The following RRAGB variants were observed in gnomAD, a reference collection of about 807,000 sequenced individuals.
RRAGB encodes Ras related GTP binding B.
Under a neutral mutation model 29.3 loss-of-function variants are expected in RRAGB, and 6 were observed. The ratio of observed to expected loss-of-function variants is 0.21; its 90% CI spans 0.11 to 0.40. The LOEUF (loss-of-function observed/expected upper bound fraction) is 0.40. Ranked by LOEUF, RRAGB falls within the 10% of genes least tolerant of loss-of-function variation. RRAGB has a pLI of 1.00. For missense variants in RRAGB, 184 were observed against 272.9 expected (o/e 0.67, Z 2.29); for synonymous variants, 101 against 92.5 (o/e 1.09, Z -0.53).
chrX:55,719,232 C>A, intron 1 of RRAGB, 82 bp from the exon 2 acceptor site: 1 of 856,649 alleles, frequency 1.2e-6, no homozygotes, highest in Non-Finnish European at 1.7e-6. Context: ...TCTTTTGTAC[C>A]TCCATGTTTA....
At chrX:55,742,054 AT>A (rs1403607548) in intron 5 of RRAGB, among the ~76,000 whole-genome samples, 1 of 112,553 alleles carries the variant, frequency 8.9e-6, no homozygotes, top group East Asian at 2.8e-4. Context: ...ATGTAAAGTT[AT>A]TGACTGTTTA....
intron 5 of RRAGB, among the ~76,000 whole-genome samples, chrX:55,748,543 G>A (rs1033374224): frequency 1.6e-4 from 18 of 111,526 alleles, no homozygotes; most frequent in Non-Finnish European, 3.2e-4. Context: ...TGTGAGGAGC[G>A]CCTCTGCTGG....
At chrX:55,726,288 A>G (rs1343506595) in intron 3 of RRAGB, among the ~76,000 whole-genome samples, 1 of 112,174 alleles carries the variant, frequency 8.9e-6, no homozygotes, top group Non-Finnish European at 1.9e-5. Flanking sequence ...CCTCACTCTC[A>G]GGCCTGCTTC....
At chrX:55,746,411 T>G (rs2034247045) in intron 5 of RRAGB, among the ~76,000 whole-genome samples, 1 of 111,304 alleles carries the variant, frequency 9.0e-6, no homozygotes. Context: ...TTGTCTTTGG[T>G]GATTAAGTGC....
At position 55,731,292 on chromosome X, in the gene RRAGB, A is replaced by G. The variant is rs1257033248; in HGVS notation, c.294-72A>G. The G allele has an allele frequency of 3.8e-6, 3 of 791,313 alleles. No individual in the cohort carries two copies. The East Asian group carries it at 1.0e-4, about 27-fold the overall frequency. The allele number at this position is 791,313 out of a possible 1,213,427, so 65.2% of individuals were successfully genotyped here. On this transcript the variant is annotated intron_variant, in intron 4 of 9. Coordinates refer to ENST00000374941, the MANE Select transcript of RRAGB (RefSeq NM_006064.5). Reference sequence around the variant, plus strand: ...GATTATCTTTCACATTGATCAAGCCAACAAAAATAGGCTATAAGTAGGAGT... The same window carrying G: ...GATTATCTTTCACATTGATCAAGCCGACAAAAATAGGCTATAAGTAGGAGT...
chrX:55,736,642 T>A (rs747270771), intron 5 of RRAGB, among the ~76,000 whole-genome samples: 160 of 112,104 alleles, frequency 1.4e-3, no homozygotes, highest in African/African-American at 5.2e-3. Context: ...CTGATTTTAC[T>A]GGGTTTTTAA....
At chrX:55,745,660 T>A (rs1426498363) in intron 5 of RRAGB, among the ~76,000 whole-genome samples, 1 of 112,300 alleles carries the variant, frequency 8.9e-6, no homozygotes, top group Non-Finnish European at 1.9e-5. Context: ...CTTCCAGGAA[T>A]ATGCAATATT....
In RRAGB at chrX:55,739,275, G is replaced by A. The variant is rs565861658; in HGVS notation, c.516+7689G>A. ...TGGCTGCTGCTCCTGTGGCAAGAGC[G>A]TACTTCCCACTTGCCCCTCAGTTCT... On this transcript the variant is annotated intron_variant, in intron 5 of 9. Transcript: ENST00000374941. Among the ~76,000 whole-genome samples the A allele has an allele frequency of 4.4e-5, 5 of 112,471 alleles. No individual in the cohort carries two copies. The South Asian group carries it at 1.1e-3, about 25-fold the overall frequency.
chrX:55,732,613 A>G (rs188041316), intron 5 of RRAGB, among the ~76,000 whole-genome samples: 58 of 112,100 alleles, frequency 5.2e-4, no homozygotes, highest in African/African-American at 1.8e-3. Context: ...ATAGGCTTTC[A>G]AAAACCATTT....
At chrX:55,735,407 A>T (rs2033833937) in intron 5 of RRAGB, among the ~76,000 whole-genome samples, 1 of 111,678 alleles carries the variant, frequency 9.0e-6, no homozygotes, top group African/African-American at 3.3e-5. Context: ...TGTTGATTTA[A>T]AGTCTGTTTT....
At chrX:55,723,007 A>G (rs1442632650) in intron 3 of RRAGB, among the ~76,000 whole-genome samples, 3 of 111,259 alleles carry the variant, frequency 2.7e-5, no homozygotes, top group East Asian at 2.8e-4. Context: ...CTGAAGTTTC[A>G]AGAACAACAT....
chrX:55,731,401 C>G lies in RRAGB; in HGVS notation c.331C>G (p.Arg111Gly), dbSNP rs769920456. 8.3e-7 allele frequency: 1 copy of G among 1,209,641 alleles called. No homozygotes were observed. Among genetic ancestry groups the G allele is most frequent in the South Asian group, 1.8e-5 (1 of 56,622 alleles). ...TFMENYFTSQRDNIFRNVEVL... is the reference protein window; with the variant it reads ...TFMENYFTSQGDNIFRNVEVL... ...CATGGAAAATTATTTCACTAGCCAACGGGACAACATCTTCCGAAATGTGGA... is the reference window on the plus strand; with the variant it reads ...CATGGAAAATTATTTCACTAGCCAAGGGGACAACATCTTCCGAAATGTGGA... Residue 111 changes from arginine to glycine, a missense_variant, in exon 5 of 10, where the codon CGG becomes GGG. Transcript: ENST00000374941.
intron 3 of RRAGB, among the ~76,000 whole-genome samples, chrX:55,728,621 G>A (rs1343101340): frequency 9.0e-6 from 1 of 111,702 alleles, no homozygotes; most frequent in Non-Finnish European, 1.9e-5. Context: ...TCAAAGTAGT[G>A]TTAAGAAGAT....
intron 5 of RRAGB, among the ~76,000 whole-genome samples, chrX:55,739,525 G>A (rs1205722153): frequency 1.8e-5 from 2 of 111,766 alleles, no homozygotes; most frequent in Non-Finnish European, 3.8e-5. Context: ...TGCTGGGTAG[G>A]GTTAAGGTGC....
chrX:55,735,502 A>C (rs187367267), intron 5 of RRAGB, among the ~76,000 whole-genome samples: 1 of 112,558 alleles, frequency 8.9e-6, no homozygotes, highest in Admixed American at 9.4e-5. Flanking sequence ...GTCTATAAGA[A>C]TCTTTACAAG....
In RRAGB at chrX:55,731,364, G is replaced by A. The variant is rs1429675478; in HGVS notation, c.294G>A (p.Gly98=). 8.4e-7 allele frequency: 1 copy of A among 1,195,791 alleles called. No individual in the cohort carries two copies. ...ACTATATATATATTTTTTCTATCAG[G>A]CAAGACACCTTCATGGAAAATTATT... The part of the protein sequence containing the change: ...NLVLNLWDCG[G]QDTFMENYFT... Residue 98 remains glycine, a splice_region_variant and synonymous_variant, in exon 5 of 10, where the codon GGG becomes GGA. Transcript: ENST00000374941.
chrX:55,719,468 GTC>G, intron 2 of RRAGB, 121 bp downstream of exon 2: 1 of 452,143 alleles, frequency 2.2e-6, no homozygotes, highest in Non-Finnish European at 3.5e-6. Context: ...TGTGTGGTCT[GTC>G]TGACTCTCTT....
At chrX:55,735,683 A>G (rs1297603551) in intron 5 of RRAGB, among the ~76,000 whole-genome samples, 1 of 112,198 alleles carries the variant, frequency 8.9e-6, no homozygotes, top group South Asian at 3.7e-4. Context: ...GTTTTCTTCA[A>G]TGTGTTACAG....
At chrX:55,749,884 G>A (rs2034460300) in intron 5 of RRAGB, among the ~76,000 whole-genome samples, 1 of 107,910 alleles carries the variant, frequency 9.3e-6, no homozygotes, top group Admixed American at 9.9e-5. Context: ...AGTACCCAGG[G>A]ACACAAACAC....
Sources: gnomAD v4.1 joint callset for allele counts (sites outside exome capture counted in the v4.1 genomes callset) on GRCh38, gnomAD v4.1.1 for gene constraint, MANE v1.5 for transcripts, NCBI Gene and HGNC (gene_info 2026-07-23, HGNC 2026-07-21) for gene names.